EML5: variants seen among roughly 807,000 people sequenced by gnomAD.
EML5 encodes EMAP like 5, also known as echinoderm microtubule-associated protein-like 5.
In EML5, 120 loss-of-function variants were observed where a neutral mutation model predicts 250.0. The observed-to-expected ratio is 0.48, with a 90% CI of 0.41 to 0.56. EML5 has a LOEUF of 0.56. Ranked by LOEUF, EML5 falls within the 20% of genes least tolerant of loss-of-function variation. The pLI is 0.00. For missense variants in EML5, 2,006 were observed against 2,437.6 expected (o/e 0.82, Z 3.73); for synonymous variants, 771 against 806.5 (o/e 0.96, Z 0.75).
intron 1 of EML5, among the ~76,000 whole-genome samples, chr14:88,779,460 G>A (rs1474143480): frequency 6.6e-6 from 1 of 152,128 alleles, no homozygotes; most frequent in Non-Finnish European, 1.5e-5. Context: ...AGGGATAATG[G>A]CACGTCTTTC....
chr14:88,625,873 T>C (rs1216719849), intron 35 of EML5: 1 of 152,128 alleles, frequency 6.6e-6, no homozygotes, highest in Admixed American at 6.6e-5. Flanking sequence ...AAACAAAAAA[T>C]GCACTTAGTT....
Position 88,634,487 on chromosome 14 carries a change from C to A in EML5, c.4339G>T (p.Asp1447Tyr). Reference protein sequence around the residue: ...INIVATGQVGDSADMSATAPS... With the variant: ...INIVATGQVGYSADMSATAPS... ...TCCTTACCTGACATGTCTGCTGAAT[C>A]ACCTATAATGGAAAATAATTATCTA... Residue 1447 changes from aspartate (D) to tyrosine (Y), a missense_variant and splice_region_variant, in exon 33 of 44, where the codon GAT becomes TAT. By Grantham distance (160) the Asp-to-Tyr change is radical. This residue lies in a region of EML5 where 1,375 missense variants were observed against 1,590.3 expected (regional missense o/e 0.86). Transcript: ENST00000554922. 1 of 1,465,448 alleles carries A rather than the reference C, an allele frequency of 6.8e-7. No individual in the cohort carries two copies. Among genetic ancestry groups the A allele is most frequent in the Non-Finnish European group, 9.1e-7 (1 of 1,095,992 alleles). 90.8% of individuals were successfully genotyped at this position (1,465,448 alleles called of 1,614,324 possible). A position where few individuals can be genotyped will look rare whatever the true frequency, so the allele number is the denominator to read the frequency against.
chr14:88,705,804 T>C (rs2093306869), intron 11 of EML5: 1 of 654,768 alleles, frequency 1.5e-6, no homozygotes. Context: ...CTCCTTTAAA[T>C]CCCTTCACTG....
intron 1 of EML5, among the ~76,000 whole-genome samples, chr14:88,779,426 C>T (rs925442859): frequency 4.6e-5 from 7 of 152,180 alleles, no homozygotes; most frequent in African/African-American, 1.7e-4. Flanking sequence ...ATAGTATCAA[C>T]AGTTTATATA....
chr14:88,646,209 T>C (rs1192761756), intron 29 of EML5, among the ~76,000 whole-genome samples: 1 of 152,142 alleles, frequency 6.6e-6, no homozygotes, highest in African/African-American at 2.4e-5. Context: ...TTCAAAATGG[T>C]TGTCAAGTTA....
chr14:88,622,541 G>T, intron 37 of EML5, 63 bp downstream of exon 37: 1 of 1,281,628 alleles, frequency 7.8e-7, no homozygotes, highest in South Asian at 1.7e-5. Context: ...AAGGGTGAGG[G>T]AATCACAGTA....
At chr14:88,712,875 T>C (rs2093428461) in intron 9 of EML5, among the ~76,000 whole-genome samples, 1 of 151,902 alleles carries the variant, frequency 6.6e-6, no homozygotes, top group African/African-American at 2.4e-5. Context: ...GATACATAGT[T>C]GAGGAAAAAG....
In EML5 at chr14:88,750,511, G is replaced by A. The variant is rs539308057; in HGVS notation, c.357+4001C>T. 6.0e-4 allele frequency among the ~76,000 whole-genome samples: 92 copies of A among 152,218 alleles called. 1 individual carries two copies. In the East Asian group the frequency reaches 0.016, roughly 26 times the overall value. ...AAAGGAGTTAGAGTGCCTGGTATAT[G>A]ACTGATGTTACATAAATGTTTGCAT... On this transcript the variant is annotated intron_variant, in intron 2 of 43. Coordinates refer to ENST00000554922, the MANE Select transcript of EML5 (RefSeq NM_183387.3).
At position 88,642,996 on chromosome 14, in the gene EML5, A is replaced by T; in HGVS notation, c.4134T>A (p.Gly1378=). ...TATTCCTACAGTCTCTGCCTCGATA[A>T]CCAAAAATGAGCTCCAACACAAGGT... is the stretch of plus-strand genomic sequence containing the variant. ...IEDLVLELIF[G]YRGRDCRNNV... is the part of the protein sequence containing the mutation. Residue 1378 remains glycine, a synonymous_variant, in exon 31 of 44, where the codon GGT becomes GGA. Transcript: ENST00000554922. 1 of 1,594,488 alleles carries T rather than the reference A, an allele frequency of 6.3e-7. No homozygotes were observed. Among genetic ancestry groups the T allele is most frequent in the Non-Finnish European group, 8.5e-7 (1 of 1,174,798 alleles).
intron 27 of EML5, among the ~76,000 whole-genome samples, chr14:88,656,136 T>C (rs1348632890): frequency 1.3e-5 from 2 of 152,212 alleles, no homozygotes; most frequent in Non-Finnish European, 2.9e-5. Flanking sequence ...CAAAGGATTA[T>C]AAATCATTCT....
Position 88,694,407 on chromosome 14 carries a change from T to C in EML5, c.2439A>G (p.Arg813=). The change falls in exon 17 of 44, where the codon AGA becomes AGG. Residue 813 remains arginine (R), a splice_region_variant and synonymous_variant. Coordinates refer to ENST00000554922, the MANE Select transcript of EML5 (RefSeq NM_183387.3). The part of the protein sequence containing the change: ...WKKGEKLSIA[R]GSKDKIFVVK... ...CAACAAAAATCTTATCTTTACTTCC[T>C]CTGAAATAAACATCGAAATGTTTTA... The C allele has an allele frequency of 6.4e-7, 1 of 1,551,212 alleles. No homozygotes were observed. Among genetic ancestry groups the C allele is most frequent in the Non-Finnish European group, 8.8e-7 (1 of 1,140,200 alleles).
rs374705269 is a variant in EML5 at position 88,661,230 on chromosome 14, A to C, written c.3675+424T>G. Among the ~76,000 whole-genome samples, 9 of 152,274 alleles carry C rather than the reference A, an allele frequency of 5.9e-5. No individual in the cohort carries two copies. In the East Asian group the frequency reaches 1.5e-3, roughly 26 times the overall value. On this transcript the variant is annotated intron_variant, in intron 25 of 43. Transcript: ENST00000554922. ...CAGCCTCCTGAGTAGCTAGGACTAC[A>C]GGCATGTGCCACAATGCCTGGCTAA...
chr14:88,735,217 G>A (rs2093821357), intron 7 of EML5, among the ~76,000 whole-genome samples: 1 of 152,170 alleles, frequency 6.6e-6, no homozygotes, highest in African/African-American at 2.4e-5. Context: ...ATTAGGTCCT[G>A]TAAAAGGCCT....
chr14:88,740,658 A>C, intron 4 of EML5, 86 bp from the exon 5 acceptor site: 3 of 1,187,994 alleles, frequency 2.5e-6, no homozygotes, highest in Non-Finnish European at 3.5e-6. Flanking sequence ...GCTATATTAG[A>C]GCAGTGAGCT....
At chr14:88,709,718 C>A (rs2093373361) in intron 10 of EML5, among the ~76,000 whole-genome samples, 1 of 152,170 alleles carries the variant, frequency 6.6e-6, no homozygotes, top group Non-Finnish European at 1.5e-5. Flanking sequence ...TTATTTCACT[C>A]CTTTGAGAAA....
intron 22 of EML5, 40 bp from the exon 23 acceptor site, chr14:88,664,664 G>C (rs374038849): frequency 1.3e-6 from 2 of 1,583,952 alleles, no homozygotes; most frequent in Admixed American, 1.8e-5. Context: ...TTCTATCTTT[G>C]GAAATACTTT....
In EML5 at chr14:88,612,972, A is replaced by C. The variant is rs2087014825; in HGVS notation, c.*2846T>G. 1 of 127,158 alleles carries C rather than the reference A, an allele frequency of 7.9e-6. No individual in the cohort carries two copies. The highest frequency in any genetic ancestry group is 1.7e-5 in the Non-Finnish European group (1 of 58,774). The allele number at this position is 127,158 out of a possible 1,614,324, so 7.9% of individuals were successfully genotyped here. On this transcript the variant is annotated 3_prime_UTR_variant, in exon 44 of 44. Transcript: ENST00000554922. ...ACTGCAACATTCTCAGGACCAAATT[A>C]AACTGCTAAAAAAAAAAAAAAAGTT...
At chr14:88,753,776 A>T (rs1185444133) in intron 2 of EML5, among the ~76,000 whole-genome samples, 1 of 152,222 alleles carries the variant, frequency 6.6e-6, no homozygotes, top group Non-Finnish European at 1.5e-5. Flanking sequence ...AAAATAACTC[A>T]TAGGAATTGT....
chr14:88,792,946 G>GCCGAGC lies in EML5; in HGVS notation c.-444_-443insGCTCGG, dbSNP rs2094625371. Among the ~76,000 whole-genome samples the GCCGAGC allele has an allele frequency of 6.6e-6, 1 of 151,534 alleles. No individual in the cohort carries two copies. Among genetic ancestry groups the GCCGAGC allele is most frequent in the African/African-American group, 2.4e-5 (1 of 41,258 alleles). ...CCCGCGCCGCGCACCCCGAAACCGAGCGAGCCGAGCCGAGCCGAGCCGAGC... is the reference window on the plus strand; with the variant it reads ...CCCGCGCCGCGCACCCCGAAACCGAGCCGAGCCGAGCCGAGCCGAGCCGAGCCGAGC... On this transcript the variant is annotated 5_prime_UTR_variant, in exon 1 of 44. Transcript: ENST00000554922. This position sits in a 1 kb window ranked among gnomAD's most constrained non-coding sequence, Gnocchi z 6.9.
Sources: allele counts gnomAD v4.1 joint callset (sites outside exome capture counted in the v4.1 genomes callset), GRCh38; gene constraint gnomAD v4.1.1; regional missense constraint gnomAD v4.1.1; non-coding constraint Gnocchi (gnomAD v3.1); transcripts MANE v1.5; gene names NCBI Gene and HGNC (gene_info 2026-07-23, HGNC 2026-07-21).